The following PRKG1 variants were observed in gnomAD, a reference collection of about 807,000 sequenced individuals.
The protein encoded by PRKG1 is protein kinase cGMP-dependent 1.
Under a neutral mutation model 88.1 loss-of-function variants are expected in PRKG1, and 35 were observed. That is an observed-to-expected ratio of 0.40 (90% confidence interval 0.30 to 0.53). The LOEUF is 0.53. Ranked by LOEUF, PRKG1 falls within the 20% of genes least tolerant of loss-of-function variation. The pLI, the probability that PRKG1 is intolerant of heterozygous loss-of-function variation, is 0.59. For missense variants in PRKG1, 540 were observed against 839.8 expected, an observed-to-expected ratio of 0.64 and a Z score of 4.41; for synonymous variants, 303 against 292.5, an observed-to-expected ratio of 1.04 and a Z score of -0.37.
chr10:51,152,545 A>T (rs1846098988), intron 1 of PRKG1, among the ~76,000 whole-genome samples: 1 of 152,010 alleles, frequency 6.6e-6, no homozygotes, highest in Admixed American at 6.6e-5. Flanking sequence ...TTCACACATA[A>T]AGCTGTTAGG....
intron 5 of PRKG1, among the ~76,000 whole-genome samples, chr10:51,957,311 T>C (rs1391174386): frequency 6.6e-6 from 1 of 150,638 alleles, no homozygotes; most frequent in Non-Finnish European, 1.5e-5. Flanking sequence ...TTCTCTTCTT[T>C]CTTTCTCAGG....
chr10:51,328,419 G>A lies in PRKG1; in HGVS notation c.479-139304G>A, dbSNP rs557293160. Among the ~76,000 whole-genome samples the A allele has an allele frequency of 2.6e-5, 4 of 152,278 alleles. No individual in the cohort carries two copies. The South Asian group carries it at 6.2e-4, about 24-fold the overall frequency. ...GTTGATTCCATAGCTTGGCTATTGTGAATAGTGCTGCAATGAACACGGAAG... is the reference window on the plus strand; with the variant it reads ...GTTGATTCCATAGCTTGGCTATTGTAAATAGTGCTGCAATGAACACGGAAG... On this transcript the variant is annotated intron_variant, in intron 2 of 17. Transcript: ENST00000373980.
intron 2 of PRKG1, among the ~76,000 whole-genome samples, chr10:51,168,718 A>G (rs932806806): frequency 1.3e-5 from 2 of 152,168 alleles, no homozygotes; most frequent in Non-Finnish European, 2.9e-5. Flanking sequence ...TCTCCTCCAC[A>G]TCACACATAT....
chr10:51,035,075 G>A (rs1179901660), intron 1 of PRKG1, among the ~76,000 whole-genome samples: 3 of 152,006 alleles, frequency 2.0e-5, no homozygotes, highest in East Asian at 3.9e-4. Context: ...GGTAACGGTC[G>A]TAAAAGGGAG....
intron 3 of PRKG1, among the ~76,000 whole-genome samples, chr10:51,713,762 C>T (rs74132576): frequency 6.6e-6 from 1 of 152,290 alleles, no homozygotes; most frequent in African/African-American, 2.4e-5. Flanking sequence ...ATGCACACCT[C>T]AGGCTTCCAT....
rs1388522788 is a variant in PRKG1 at position 51,313,822 on chromosome 10, G to A, written c.479-153901G>A. 2.0e-5 allele frequency among the ~76,000 whole-genome samples: 3 copies of A among 152,072 alleles called. No homozygotes were observed. In the East Asian group the frequency reaches 5.8e-4, roughly 29 times the overall value. On this transcript the variant is annotated intron_variant, in intron 2 of 17. Transcript: ENST00000373980. ...GGTTACTTATAATACCAAATAAAAG[G>A]CCTACATACCACTTCATTCTCATGG...
At chr10:51,230,124 C>G (rs561525521) in intron 2 of PRKG1, among the ~76,000 whole-genome samples, 3 of 151,902 alleles carry the variant, frequency 2.0e-5, no homozygotes, top group East Asian at 1.9e-4. Flanking sequence ...AGAAAACTAA[C>G]TAAGTAAATG....
At chr10:51,661,100 T>C (rs1407495048) in intron 3 of PRKG1, among the ~76,000 whole-genome samples, 1 of 152,056 alleles carries the variant, frequency 6.6e-6, no homozygotes, top group Non-Finnish European at 1.5e-5. Flanking sequence ...TGAGTCCATA[T>C]ATAAAGAAAA....
intron 5 of PRKG1, among the ~76,000 whole-genome samples, chr10:51,997,851 T>G (rs1430195803): frequency 6.6e-6 from 1 of 152,116 alleles, no homozygotes; most frequent in Non-Finnish European, 1.5e-5. Flanking sequence ...ATCTCTCTCT[T>G]TTCTTTTCTC....
At chr10:51,126,328 TA>T (rs1845415329) in intron 1 of PRKG1, among the ~76,000 whole-genome samples, 1 of 128,908 alleles carries the variant, frequency 7.8e-6, no homozygotes, top group African/African-American at 3.0e-5. Flanking sequence ...TATGTTTTTA[TA>T]TTTTATATTA....
At chr10:51,907,626 C>A in intron 5 of PRKG1, 56 bp downstream of exon 5, 2 of 1,445,736 alleles carry the variant, frequency 1.4e-6, no homozygotes, top group Non-Finnish European at 1.9e-6. Flanking sequence ...GCTTGGCTGG[C>A]TTCTTTCACA....
chr10:51,209,160 A>G (rs973286453), intron 2 of PRKG1, among the ~76,000 whole-genome samples: 4 of 152,096 alleles, frequency 2.6e-5, no homozygotes, highest in Admixed American at 2.6e-4. Context: ...TGTTTTGACT[A>G]GTGTTGGCAA....
At chr10:51,644,521 T>C (rs1839871735) in intron 3 of PRKG1, among the ~76,000 whole-genome samples, 1 of 152,186 alleles carries the variant, frequency 6.6e-6, no homozygotes, top group Admixed American at 6.5e-5. Context: ...CCTGAATTGT[T>C]CCAACTTAGA....
chr10:51,946,146 G>A (rs1458618562), intron 5 of PRKG1, among the ~76,000 whole-genome samples: 2 of 151,988 alleles, frequency 1.3e-5, no homozygotes, highest in African/African-American at 2.4e-5. Flanking sequence ...TTTCTTGGAG[G>A]CTTTGTTCAT....
intron 3 of PRKG1, among the ~76,000 whole-genome samples, chr10:51,774,855 A>T (rs1471167770): frequency 6.6e-6 from 1 of 152,130 alleles, no homozygotes; most frequent in Non-Finnish European, 1.5e-5. Context: ...CTCATAAATT[A>T]ATGTGCAAAT....
intron 1 of PRKG1, among the ~76,000 whole-genome samples, chr10:51,035,837 T>C (rs1164682805): frequency 6.6e-6 from 1 of 152,216 alleles, no homozygotes; most frequent in Non-Finnish European, 1.5e-5. Context: ...TAACATTCTC[T>C]TATATGTCTT....
At chr10:52,198,727 G>A (rs1356363148) in intron 9 of PRKG1, among the ~76,000 whole-genome samples, 1 of 151,984 alleles carries the variant, frequency 6.6e-6, no homozygotes. Context: ...CTCCTCTTCA[G>A]ATTCTGGTGG....
At chr10:52,007,349 T>C (rs1903983) in intron 5 of PRKG1, among the ~76,000 whole-genome samples, 106,360 of 151,852 alleles carry the variant, frequency 0.7, 37,280 homozygotes, top group East Asian at 0.92. Context: ...GATAAAGAAA[T>C]GAGACCAAAT....
intron 3 of PRKG1, among the ~76,000 whole-genome samples, chr10:51,759,099 A>G (rs1380426644): frequency 6.6e-6 from 1 of 152,112 alleles, no homozygotes; most frequent in East Asian, 1.9e-4. Flanking sequence ...TCTATCATTG[A>G]TGAGCATTTG....
Sources: allele counts gnomAD v4.1 joint callset (sites outside exome capture counted in the v4.1 genomes callset), GRCh38; gene constraint gnomAD v4.1.1; transcripts MANE v1.5; gene names NCBI Gene and HGNC (gene_info 2026-07-23, HGNC 2026-07-21).